Variants in ZNF253 observed in about 807,000 individuals in gnomAD.
ZNF253 encodes DNA-binding protein.
A neutral mutation model predicts 11.9 loss-of-function variants in ZNF253; 8 were observed. The observed-to-expected ratio is 0.67, with a 90% CI of 0.40 to 1.22. ZNF253 has a LOEUF of 1.22. Ranked by LOEUF, ZNF253 falls within the 50% of genes most tolerant of loss-of-function variation. The probability of loss-of-function intolerance (pLI) is 0.01; values close to 1 mark genes in which losing one functional copy is unlikely to be tolerated. For synonymous variants in ZNF253, 194 were observed against 194.9 expected (o/e 1.00, Z 0.04); for missense variants, 485 against 586.9 (o/e 0.83, Z 1.79).
At chr19:19,890,541 T>TGTGTGTGTGA (rs1207129318) in intron 3 of ZNF253, among the ~76,000 whole-genome samples, 5 of 148,344 alleles carry the variant, frequency 3.4e-5, no homozygotes, top group South Asian at 2.1e-4. Flanking sequence ...TGTGTGTGTG[T>TGTGTGTGTGA]GACAGAGTCT....
At position 19,888,967 on chromosome 19, in the gene ZNF253, C is replaced by T. The variant is rs1006726859; in HGVS notation, c.227-2507C>T. Among the ~76,000 whole-genome samples the T allele has an allele frequency of 2.6e-5, 4 of 151,502 alleles. No homozygotes were observed. In the South Asian group the frequency reaches 6.3e-4, roughly 24 times the overall value. On this transcript the variant is annotated intron_variant, in intron 3 of 3. Transcript: ENST00000589717. The stretch of plus-strand genomic sequence containing the variant: ...TTTTTATATGATAGTACAATTTTGC[C>T]GATGGTATTATTTTCTGCAAAAATT...
intron 3 of ZNF253, among the ~76,000 whole-genome samples, chr19:19,882,475 A>G (rs1010777851): frequency 6.6e-6 from 1 of 152,008 alleles, no homozygotes; most frequent in Non-Finnish European, 1.5e-5. Context: ...TTTTATTTTT[A>G]GACAGACCGA....
At chr19:19,872,561 C>CTATATA (rs58650123) in intron 1 of ZNF253, among the ~76,000 whole-genome samples, 10 of 121,996 alleles carry the variant, frequency 8.2e-5, no homozygotes, top group South Asian at 2.6e-4. Context: ...TAAACCATAA[C>CTATATA]TATATATATA....
chr19:19,879,385 T>G (rs2063168019), intron 2 of ZNF253, among the ~76,000 whole-genome samples: 1 of 152,172 alleles, frequency 6.6e-6, no homozygotes, highest in Admixed American at 6.5e-5. Context: ...CCCACCTTAT[T>G]TTTTATCATT....
At chr19:19,889,030 G>A (rs2063218119) in intron 3 of ZNF253, among the ~76,000 whole-genome samples, 1 of 151,956 alleles carries the variant, frequency 6.6e-6, no homozygotes. Flanking sequence ...ATAAGACTAT[G>A]CTTATAAATG....
chr19:19,872,047 C>T (rs902339518), intron 1 of ZNF253, among the ~76,000 whole-genome samples: 1 of 152,102 alleles, frequency 6.6e-6, no homozygotes, highest in African/African-American at 2.4e-5. Context: ...ATCTATAGTC[C>T]TCTACAGTCA....
intron 3 of ZNF253, among the ~76,000 whole-genome samples, chr19:19,886,547 C>T (rs1347123392): frequency 5.9e-5 from 9 of 152,152 alleles, no homozygotes; most frequent in African/African-American, 2.2e-4. Context: ...TTGGTATATC[C>T]TCTTGGTAAC....
rs61051674 is a variant in ZNF253 at position 19,890,094 on chromosome 19, G to A, written c.227-1380G>A. On this transcript the variant is annotated intron_variant, in intron 3 of 3. Transcript: ENST00000589717. ...TTCAGGCATTAACAAAAAGCTACCT[G>A]TGCCAATCTTTATAATATAGTTTTG... Among the ~76,000 whole-genome samples the A allele has an allele frequency of 6.3e-3, 962 of 152,242 alleles. 12 individuals are homozygous for A. The highest frequency in any genetic ancestry group is 0.022 in the African/African-American group (922 of 41,556).
intron 3 of ZNF253, among the ~76,000 whole-genome samples, chr19:19,887,918 G>A (rs2063213016): frequency 6.6e-6 from 1 of 151,050 alleles, no homozygotes; most frequent in Non-Finnish European, 1.5e-5. Context: ...TGTATTTTTA[G>A]TAGAGATGGG....
At chr19:19,870,300 G>C (rs747188785) in intron 1 of ZNF253, among the ~76,000 whole-genome samples, 1 of 151,258 alleles carries the variant, frequency 6.6e-6, no homozygotes, top group Non-Finnish European at 1.5e-5. Context: ...GCTGAGGCAG[G>C]AGAATCGCTT....
chr19:19,880,268 C>A, intron 3 of ZNF253, 122 bp downstream of exon 3: 5 of 549,882 alleles, frequency 9.1e-6, no homozygotes, highest in Non-Finnish European at 8.8e-6. Flanking sequence ...AGGTCCTGGG[C>A]AGCTGTTTTT....
At chr19:19,885,268 TTTCTTTCTTTCTTTC>T (rs2063196559) in intron 3 of ZNF253, among the ~76,000 whole-genome samples, 1 of 57,978 alleles carries the variant, frequency 1.7e-5, no homozygotes, top group Non-Finnish European at 2.7e-5. Flanking sequence ...TCTTTCTTTC[TTTCTTTCTTTCTTTC>T]TTTCTTTCTC....
Position 19,885,350 on chromosome 19 carries a change from CTTTCTTCCTTTCTTTT to C in ZNF253, c.226+5205_226+5220del. Among the ~76,000 whole-genome samples, 29 of 58,878 alleles carry C rather than the reference CTTTCTTCCTTTCTTTT, an allele frequency of 4.9e-4. 1 individual carries two copies. The highest frequency in any genetic ancestry group is 6.1e-4 in the Non-Finnish European group (23 of 37,974). 38.6% of individuals were successfully genotyped at this position (58,878 alleles called of 152,430 possible). A position where few individuals can be genotyped will look rare whatever the true frequency, so the allele number is the denominator to read the frequency against. ...TCTTTCTTTCTTTCTTTCTTTCTTT[CTTTCTTCCTTTCTTTT>C]CTTTCTTTTCTTTCTTTTCTTTCTT... On this transcript the variant is annotated intron_variant, in intron 3 of 3. Transcript: ENST00000589717.
chr19:19,882,700 C>T (rs567225665), intron 3 of ZNF253, among the ~76,000 whole-genome samples: 8 of 152,016 alleles, frequency 5.3e-5, no homozygotes, highest in East Asian at 3.8e-4. Context: ...TTGCTGGATG[C>T]GGTGGCTCAC....
In ZNF253 at chr19:19,888,491, C is replaced by T. The variant is rs115328681; in HGVS notation, c.227-2983C>T. ...TTTTTTCTTATTTTCTTTTGTGTAT[C>T]TAGGCAGGTAGTTTCTTAGTGGTAT... On this transcript the variant is annotated intron_variant, in intron 3 of 3. Transcript: ENST00000589717. Among the ~76,000 whole-genome samples, 1,100 of 146,896 alleles carry T rather than the reference C, an allele frequency of 7.5e-3. 12 individuals carry two copies. Among genetic ancestry groups the T allele is most frequent in the African/African-American group, 0.026 (1,033 of 39,810 alleles).
At chr19:19,871,921 A>G (rs1450231397) in intron 1 of ZNF253, among the ~76,000 whole-genome samples, 2 of 152,138 alleles carry the variant, frequency 1.3e-5, no homozygotes, top group African/African-American at 4.8e-5. Context: ...GTGCCATCCA[A>G]AATTTACTCT....
intron 3 of ZNF253, among the ~76,000 whole-genome samples, chr19:19,885,283 C>CTCTTTCT (rs2063197671): frequency 1.4e-4 from 5 of 34,656 alleles, no homozygotes; most frequent in African/African-American, 2.9e-4. Context: ...TTCTTTCTTT[C>CTCTTTCT]TTTCTTTCTC....
chr19:19,885,265 T>TGTGATGGAG (rs1568498685), intron 3 of ZNF253, among the ~76,000 whole-genome samples: 1 of 67,908 alleles, frequency 1.5e-5, no homozygotes, highest in Non-Finnish European at 2.3e-5. Context: ...CTTTCTTTCT[T>TGTGATGGAG]TCTTTCTTTC....
chr19:19,885,966 C>G (rs1030872324), intron 3 of ZNF253, among the ~76,000 whole-genome samples: 12 of 152,106 alleles, frequency 7.9e-5, no homozygotes, highest in African/African-American at 2.9e-4. Context: ...AGAAAACACA[C>G]AGTGTATAAT....
Sources: allele counts gnomAD v4.1 joint callset (sites outside exome capture counted in the v4.1 genomes callset), GRCh38; gene constraint gnomAD v4.1.1; transcripts MANE v1.5; gene names NCBI Gene and HGNC (gene_info 2026-07-23, HGNC 2026-07-21).